Variants in TOX3 observed in about 807,000 individuals in gnomAD.
TOX3 encodes CAG trinucleotide repeat-containing gene F9 protein.
Under a neutral mutation model 64.3 loss-of-function variants are expected in TOX3, and 22 were observed. The ratio of observed to expected loss-of-function variants is 0.34; its 90% CI spans 0.24 to 0.49. The LOEUF (loss-of-function observed/expected upper bound fraction) is 0.49, where lower values mean the gene tolerates loss of function less well. Ranked by LOEUF, TOX3 falls within the 20% of genes least tolerant of loss-of-function variation. TOX3 has a pLI of 0.99. For synonymous variants in TOX3, 291 were observed against 273.6 expected, an observed-to-expected ratio of 1.06 and a Z score of -0.63; for missense variants, 661 against 714.4, an observed-to-expected ratio of 0.93 and a Z score of 0.85.
At chr16:52,474,066 A>G (rs187054626) in intron 1 of TOX3, among the ~76,000 whole-genome samples, 1 of 152,268 alleles carries the variant, frequency 6.6e-6, no homozygotes, top group East Asian at 1.9e-4. Flanking sequence ...GTCAGTAAAC[A>G]TCTTAGACCT....
intron 1 of TOX3, among the ~76,000 whole-genome samples, chr16:52,481,836 A>G (rs1262539432): frequency 6.6e-6 from 1 of 152,184 alleles, no homozygotes; most frequent in African/African-American, 2.4e-5. Context: ...GGGTGATCAT[A>G]TAGCTATCAT....
intron 4 of TOX3, among the ~76,000 whole-genome samples, chr16:52,447,929 G>A (rs1027591273): frequency 6.6e-6 from 1 of 152,104 alleles, no homozygotes; most frequent in Non-Finnish European, 1.5e-5. Context: ...CTGACCAATG[G>A]CAAGTTGCTA....
Position 52,439,166 on chromosome 16 carries a change from G to T in TOX3, c.*59C>A. On this transcript the variant is annotated 3_prime_UTR_variant, in exon 7 of 7. Transcript: ENST00000219746. The stretch of plus-strand genomic sequence containing the variant: ...CAACTTACAGGTTTCAGCCACATAT[G>T]CTTTTCCCTCCTATGCCACTCTCCT... The T allele has an allele frequency of 6.2e-7, 1 of 1,609,096 alleles. No individual in the cohort carries two copies. The highest frequency in any genetic ancestry group is 1.7e-5 in the Admixed American group (1 of 59,542).
intron 1 of TOX3, among the ~76,000 whole-genome samples, chr16:52,473,121 C>T (rs1431441157): frequency 6.6e-6 from 1 of 151,996 alleles, no homozygotes; most frequent in African/African-American, 2.4e-5. Context: ...ATGTGAAGTG[C>T]CAAAGTAAAT....
chr16:52,480,415 A>T (rs1245465913), intron 1 of TOX3, among the ~76,000 whole-genome samples: 1 of 152,164 alleles, frequency 6.6e-6, no homozygotes, highest in Non-Finnish European at 1.5e-5. Flanking sequence ...GACCTTAGAG[A>T]CTTTCTGCTG....
chr16:52,444,254 G>A (rs1596771862), intron 6 of TOX3, 22 bp downstream of exon 6: 2 of 1,524,772 alleles, frequency 1.3e-6, no homozygotes, highest in East Asian at 4.8e-5. Context: ...TTTGGAGCCT[G>A]GCCGCCCCTG....
At chr16:52,478,319 C>T (rs370050158) in intron 1 of TOX3, among the ~76,000 whole-genome samples, 37 of 152,256 alleles carry the variant, frequency 2.4e-4, no homozygotes, top group African/African-American at 7.5e-4. Context: ...TTTCTCTGGG[C>T]CACTCATTGC....
rs184411665 is a variant in TOX3 at position 52,537,316 on chromosome 16, A to G, written c.87+9321T>C. On this transcript the variant is annotated intron_variant, in intron 1 of 6. Coordinates refer to ENST00000219746, the MANE Select transcript of TOX3 (RefSeq NM_001080430.4). ...ACCAACCACATCTCCCACCATGGAA[A>G]GAGAAAATCTCATATCCATAGAATA... Among the ~76,000 whole-genome samples, 596 of 152,290 alleles carry G rather than the reference A, an allele frequency of 3.9e-3. 4 individuals are homozygous for G. Among genetic ancestry groups the G allele is most frequent in the African/African-American group, 0.013 (551 of 41,556 alleles).
At chr16:52,540,872 A>G (rs970781599) in intron 1 of TOX3, among the ~76,000 whole-genome samples, 11 of 152,210 alleles carry the variant, frequency 7.2e-5, no homozygotes, top group African/African-American at 2.7e-4. Flanking sequence ...ACATGATTGA[A>G]CCATCCAAAA....
At chr16:52,546,572 C>G (rs1963193119) in intron 1 of TOX3, 65 bp downstream of exon 1, 4 of 1,457,804 alleles carry the variant, frequency 2.7e-6, no homozygotes, top group African/African-American at 2.8e-5. Context: ...TGAGCCCGAG[C>G]GCGGGGCGCG....
intron 1 of TOX3, among the ~76,000 whole-genome samples, chr16:52,543,641 A>C (rs1018028912): frequency 3.3e-5 from 5 of 152,176 alleles, no homozygotes; most frequent in African/African-American, 1.2e-4. Context: ...ATTAAAATGG[A>C]AATTAGCCCT....
chr16:52,446,003 T>G lies in TOX3; in HGVS notation c.897A>C (p.Glu299Asp). The G allele has an allele frequency of 6.2e-7, 1 of 1,613,282 alleles. No homozygotes were observed. Among genetic ancestry groups the G allele is most frequent in the Non-Finnish European group, 8.5e-7 (1 of 1,179,264 alleles). The change falls in exon 5 of 7, where the codon GAA becomes GAC. Residue 299 changes from glutamate (E) to aspartate (D), a missense_variant. Physicochemically the swap from Glu to Asp is conservative, Grantham distance 45 (BLOSUM62 2). This residue lies in a region of TOX3 where 103 missense variants were observed against 161.2 expected (regional missense o/e 0.64). Coordinates refer to ENST00000219746, the MANE Select transcript of TOX3 (RefSeq NM_001080430.4). ...VASMWDSLGEEQKQVYKRKTE... is the reference protein window; with the variant it reads ...VASMWDSLGEDQKQVYKRKTE... ...TGGGTCTTTGTCTCACCTGCTTTTG[T>G]TCTTCTCCAAGGCTGTCCCACATAG...
chr16:52,497,197 C>T (rs1438013935), intron 1 of TOX3, among the ~76,000 whole-genome samples: 2 of 152,204 alleles, frequency 1.3e-5, no homozygotes, highest in East Asian at 3.8e-4. Flanking sequence ...AAACACCAGC[C>T]CAGTGCAGCC....
chr16:52,506,581 T>A (rs989352561), intron 1 of TOX3, among the ~76,000 whole-genome samples: 8 of 151,674 alleles, frequency 5.3e-5, no homozygotes, highest in African/African-American at 1.7e-4. Context: ...ACCCACAGAG[T>A]CATGGAAGCC....
At chr16:52,510,106 A>T (rs2151470950) in intron 1 of TOX3, among the ~76,000 whole-genome samples, 1 of 151,370 alleles carries the variant, frequency 6.6e-6, no homozygotes, top group Admixed American at 6.6e-5. Flanking sequence ...TATCTGTTGC[A>T]TTTCCAAGGG....
intron 1 of TOX3, among the ~76,000 whole-genome samples, chr16:52,497,592 C>G (rs1567335989): frequency 6.6e-6 from 1 of 152,174 alleles, no homozygotes; most frequent in Non-Finnish European, 1.5e-5. Context: ...AACAGTATGA[C>G]TGTACCAAAT....
chr16:52,499,269 A>T (rs868197949), intron 1 of TOX3, among the ~76,000 whole-genome samples: 2 of 152,222 alleles, frequency 1.3e-5, no homozygotes, highest in South Asian at 4.1e-4. Context: ...CAGCTGCTCA[A>T]ATGAAGCCAG....
intron 1 of TOX3, among the ~76,000 whole-genome samples, chr16:52,522,209 C>T (rs970148663): frequency 1.4e-4 from 21 of 152,158 alleles, no homozygotes; most frequent in African/African-American, 4.8e-4. Flanking sequence ...TAACTACAAG[C>T]TTCATTTGAT....
intron 1 of TOX3, among the ~76,000 whole-genome samples, chr16:52,497,157 T>A (rs1481916039): frequency 6.6e-6 from 1 of 152,190 alleles, no homozygotes; most frequent in African/African-American, 2.4e-5. Context: ...GGAATTATTC[T>A]GAAAATCAGC....
Sources: allele counts gnomAD v4.1 joint callset (sites outside exome capture counted in the v4.1 genomes callset), GRCh38; gene constraint gnomAD v4.1.1; regional missense constraint gnomAD v4.1.1; transcripts MANE v1.5; gene names NCBI Gene and HGNC (gene_info 2026-07-23, HGNC 2026-07-21).